CNTN4: variants seen among roughly 807,000 people sequenced by gnomAD.
CNTN4 encodes the protein contactin-4.
A neutral mutation model predicts 122.5 loss-of-function variants in CNTN4; 77 were observed. That is an observed-to-expected ratio of 0.63 (90% CI 0.52 to 0.76). The LOEUF (loss-of-function observed/expected upper bound fraction) is 0.76. Ranked by LOEUF, CNTN4 falls within the 30% of genes least tolerant of loss-of-function variation. The pLI is 0.00. For synonymous variants in CNTN4, 512 were observed against 447.0 expected (o/e 1.15, Z -1.83); for missense variants, 1,256 against 1,259.1 (o/e 1.00, Z 0.04).
At chr3:2,784,732 A>G (rs2149898315) in intron 6 of CNTN4, among the ~76,000 whole-genome samples, 1 of 152,314 alleles carries the variant, frequency 6.6e-6, no homozygotes, top group African/African-American at 2.4e-5. Context: ...CCTGACAGCC[A>G]TCTCACTTTG....
chr3:2,460,571 T>C (rs11716315), intron 3 of CNTN4, among the ~76,000 whole-genome samples: 29,353 of 152,102 alleles, frequency 0.19, 3,364 homozygotes, highest in Middle Eastern at 0.28. Flanking sequence ...CTTTATCCTC[T>C]TCACTTCCTT....
chr3:2,218,968 G>A (rs968118195), intron 2 of CNTN4, among the ~76,000 whole-genome samples: 2 of 152,188 alleles, frequency 1.3e-5, no homozygotes, highest in African/African-American at 2.4e-5. Context: ...AGAGAATGCC[G>A]GAGCTGAAGG....
chr3:2,384,789 T>TGC (rs57458246), intron 3 of CNTN4, among the ~76,000 whole-genome samples: 1 of 151,104 alleles, frequency 6.6e-6, no homozygotes, highest in Non-Finnish European at 1.5e-5. Flanking sequence ...TGTGTGTGTG[T>TGC]TCATGTTACC....
intron 4 of CNTN4, among the ~76,000 whole-genome samples, chr3:2,575,809 C>CTTTTTTTTTTTT (rs56303805): frequency 8.9e-5 from 9 of 101,250 alleles, no homozygotes; most frequent in African/African-American, 2.6e-4. Flanking sequence ...TCTTCTTCTT[C>CTTTTTTTTTTTT]TTTTTTTTTT....
intron 3 of CNTN4, among the ~76,000 whole-genome samples, chr3:2,440,524 G>C (rs1477445360): frequency 1.3e-5 from 2 of 152,076 alleles, no homozygotes; most frequent in Non-Finnish European, 2.9e-5. Flanking sequence ...CTTTTAATAT[G>C]TGCGTGTTGT....
At chr3:3,049,240 G>A (rs4277670) in intron 23 of CNTN4, among the ~76,000 whole-genome samples, 38,920 of 151,894 alleles carry the variant, frequency 0.26, 5,200 homozygotes, top group Middle Eastern at 0.35. Flanking sequence ...CCACCACCAC[G>A]ACTGGCTGAT....
intron 3 of CNTN4, among the ~76,000 whole-genome samples, chr3:2,504,493 T>C (rs1049225591): frequency 6.6e-6 from 1 of 152,104 alleles, no homozygotes; most frequent in Non-Finnish European, 1.5e-5. Context: ...AGAAAATAAA[T>C]TGAGAGATGA....
At chr3:2,192,162 C>G (rs1351243653) in intron 2 of CNTN4, among the ~76,000 whole-genome samples, 1 of 152,092 alleles carries the variant, frequency 6.6e-6, no homozygotes, top group East Asian at 1.9e-4. Flanking sequence ...CAAGTCTTTG[C>G]TATTGTGAAT....
At chr3:3,000,933 G>A (rs568001069) in intron 14 of CNTN4, among the ~76,000 whole-genome samples, 8 of 148,364 alleles carry the variant, frequency 5.4e-5, no homozygotes, top group Non-Finnish European at 8.9e-5. Context: ...CAGCAATGCA[G>A]TATGGGTTGA....
intron 2 of CNTN4, among the ~76,000 whole-genome samples, chr3:2,190,837 C>CACATAT (rs199602766): frequency 0.026 from 3,527 of 136,888 alleles, 128 homozygotes; most frequent in African/African-American, 0.087. Flanking sequence ...CACACACATA[C>CACATAT]ACACACACAC....
intron 5 of CNTN4, among the ~76,000 whole-genome samples, chr3:2,740,389 G>T (rs1375362829): frequency 6.6e-6 from 1 of 152,098 alleles, no homozygotes; most frequent in Non-Finnish European, 1.5e-5. Context: ...AAGTCAGTAT[G>T]CCAGAGCAGC....
chr3:2,390,350 T>G (rs1156451276), intron 3 of CNTN4, among the ~76,000 whole-genome samples: 1 of 151,972 alleles, frequency 6.6e-6, no homozygotes. Context: ...TTATTGCAAC[T>G]TTCTGTAAGT....
At chr3:2,365,112 A>G (rs983244529) in intron 3 of CNTN4, among the ~76,000 whole-genome samples, 4 of 151,942 alleles carry the variant, frequency 2.6e-5, no homozygotes, top group African/African-American at 2.4e-5. Context: ...TTTTTTTATG[A>G]TGACAGAAAA....
intron 2 of CNTN4, among the ~76,000 whole-genome samples, chr3:2,226,910 C>T (rs1410925664): frequency 6.6e-6 from 1 of 151,908 alleles, no homozygotes; most frequent in African/African-American, 2.4e-5. Flanking sequence ...TAACTCTTTG[C>T]AGTAGCTGTG....
chr3:2,376,954 G>A (rs1167861212), intron 3 of CNTN4, among the ~76,000 whole-genome samples: 2 of 152,060 alleles, frequency 1.3e-5, no homozygotes, highest in South Asian at 2.1e-4. Flanking sequence ...TCAAAAGATC[G>A]AGACCATCCT....
intron 4 of CNTN4, among the ~76,000 whole-genome samples, chr3:2,715,144 AG>A (rs1188084305): frequency 1.3e-5 from 2 of 152,232 alleles, no homozygotes; most frequent in Non-Finnish European, 2.9e-5. Flanking sequence ...GATCTCCACC[AG>A]GAAAGGAATC....
rs1484211673 is a variant in CNTN4 at position 2,567,639 on chromosome 3, G to A, written c.-88-3777G>A. On this transcript the variant is annotated intron_variant, in intron 3 of 24. Transcript: ENST00000418658. ...TGCTCTTTTATAGATGGACCACACA[G>A]CTGGAGAGTGGGAAGTCTAGGAATA... Among the ~76,000 whole-genome samples, 10 of 152,290 alleles carry A rather than the reference G, an allele frequency of 6.6e-5. No individual in the cohort carries two copies. The South Asian group carries it at 1.7e-3, about 25-fold the overall frequency.
intron 3 of CNTN4, among the ~76,000 whole-genome samples, chr3:2,448,802 G>T (rs1449490776): frequency 6.6e-6 from 1 of 152,174 alleles, no homozygotes; most frequent in Non-Finnish European, 1.5e-5. Flanking sequence ...CCTGTTAACT[G>T]AGAGTGAGCA....
intron 6 of CNTN4, among the ~76,000 whole-genome samples, chr3:2,778,216 AT>A (rs1323741772): frequency 2.7e-5 from 3 of 113,046 alleles, no homozygotes; most frequent in Admixed American, 8.6e-5. Flanking sequence ...TCCGTCTCAA[AT>A]AAATAAATAA....
Sources: allele counts gnomAD v4.1 joint callset (sites outside exome capture counted in the v4.1 genomes callset), GRCh38; gene constraint gnomAD v4.1.1; transcripts MANE v1.5; gene names NCBI Gene and HGNC (gene_info 2026-07-23, HGNC 2026-07-21).